Variants in TMEM45A observed in about 807,000 individuals in gnomAD.
TMEM45A encodes DNA polymerase-transactivated protein 4.
In TMEM45A, 25 loss-of-function variants were observed where a neutral mutation model predicts 32.0. That is an observed-to-expected ratio of 0.78 (90% CI 0.57 to 1.09). The LOEUF is 1.09. Ranked by LOEUF, TMEM45A falls within the 50% of genes least tolerant of loss-of-function variation. The probability of loss-of-function intolerance (pLI) is 0.00; values close to 1 mark genes in which losing one functional copy is unlikely to be tolerated. For missense variants in TMEM45A, 302 were observed against 325.0 expected, an observed-to-expected ratio of 0.93 and a Z score of 0.54; for synonymous variants, 122 against 114.8, an observed-to-expected ratio of 1.06 and a Z score of -0.40.
chr3:100,515,323 T>C (rs1467494213), intron 1 of TMEM45A, among the ~76,000 whole-genome samples: 1 of 151,736 alleles, frequency 6.6e-6, no homozygotes, highest in Non-Finnish European at 1.5e-5. Flanking sequence ...TTCACGTGCT[T>C]TGTAGGGACA....
At chr3:100,517,551 G>T (rs916078882) in intron 1 of TMEM45A, among the ~76,000 whole-genome samples, 1 of 152,224 alleles carries the variant, frequency 6.6e-6, no homozygotes. Context: ...AACAAATGAC[G>T]TTTAGAAATA....
chr3:100,521,005 T>C (rs545136987), intron 1 of TMEM45A, among the ~76,000 whole-genome samples: 2 of 152,322 alleles, frequency 1.3e-5, no homozygotes, highest in South Asian at 4.1e-4. Context: ...AATGTTTCAT[T>C]AGCTTTCATG....
chr3:100,560,142 C>T (rs1706304508), intron 4 of TMEM45A, among the ~76,000 whole-genome samples: 1 of 152,032 alleles, frequency 6.6e-6, no homozygotes, highest in African/African-American at 2.4e-5. Flanking sequence ...TCTGATTGAT[C>T]TCTCACTTTC....
rs1373846692 is a variant in TMEM45A, at chr3:100,555,350, T to A, written c.139T>A (p.Tyr47Asn). Residue 47 changes from tyrosine (Y) to asparagine (N), a missense_variant, in exon 2 of 6, where the codon TAT becomes AAT. Tyr to Asn is a moderately radical substitution (Grantham distance 143). Transcript: ENST00000323523. ...CTATCTTGGTTCCAAAACATTATTC[T>A]ATCGATTGGAAATTTTGGAGGGAAT... Reference protein sequence around the residue: ...TCYLGSKTLFYRLEILEGITI... With the variant: ...TCYLGSKTLFNRLEILEGITI... The A allele has an allele frequency of 1.2e-6, 2 of 1,613,888 alleles. No individual in the cohort carries two copies. The highest frequency in any genetic ancestry group is 1.7e-6 in the Non-Finnish European group (2 of 1,179,950).
At chr3:100,516,759 T>C (rs1413199177) in intron 1 of TMEM45A, among the ~76,000 whole-genome samples, 1 of 152,212 alleles carries the variant, frequency 6.6e-6, no homozygotes, top group Non-Finnish European at 1.5e-5. Context: ...CCTTACGGGA[T>C]CCTTCTTCAA....
intron 1 of TMEM45A, among the ~76,000 whole-genome samples, chr3:100,546,578 A>G (rs1385070564): frequency 1.3e-5 from 2 of 152,234 alleles, no homozygotes; most frequent in Non-Finnish European, 2.9e-5. Context: ...TGACAAATGA[A>G]TGACAAAGAC....
intron 5 of TMEM45A, among the ~76,000 whole-genome samples, chr3:100,575,702 A>G (rs931978091): frequency 4.6e-5 from 7 of 152,180 alleles, no homozygotes; most frequent in African/African-American, 1.7e-4. Context: ...AACAGTCACC[A>G]GGATGGAGGG....
rs369933252 is a variant in TMEM45A at position 100,506,919 on chromosome 3, A to C, written c.-4+13991A>C. Among the ~76,000 whole-genome samples, 11 of 152,322 alleles carry C rather than the reference A, an allele frequency of 7.2e-5. No homozygotes were observed. In the South Asian group the frequency reaches 2.1e-3, roughly 29 times the overall value. On this transcript the variant is annotated intron_variant, in intron 1 of 5. Transcript: ENST00000323523. Reference sequence around the variant, plus strand: ...AGTTCTAGAACCAGAAGCCCTTTGGAACCCAACAGGAACATACAGAGAGTG... The same window carrying C: ...AGTTCTAGAACCAGAAGCCCTTTGGCACCCAACAGGAACATACAGAGAGTG...
At chr3:100,567,002 T>A (rs1230596770) in intron 4 of TMEM45A, among the ~76,000 whole-genome samples, 2 of 152,146 alleles carry the variant, frequency 1.3e-5, no homozygotes, top group Non-Finnish European at 2.9e-5. Context: ...CCAATTTATC[T>A]GTTTTCTTCT....
At chr3:100,511,689 A>G (rs1304610142) in intron 1 of TMEM45A, among the ~76,000 whole-genome samples, 2 of 150,498 alleles carry the variant, frequency 1.3e-5, no homozygotes, top group Non-Finnish European at 3.0e-5. Context: ...AAATTGGATA[A>G]AGAGTCAAGA....
intron 1 of TMEM45A, among the ~76,000 whole-genome samples, chr3:100,504,218 C>T (rs376499799): frequency 2.0e-5 from 3 of 151,776 alleles, no homozygotes; most frequent in Admixed American, 6.6e-5. Context: ...CCCACCCCAC[C>T]CCCTGAGTCC....
chr3:100,573,920 G>C (rs1706627094), intron 5 of TMEM45A: 1 of 152,146 alleles, frequency 6.6e-6, no homozygotes, highest in African/African-American at 2.4e-5. Flanking sequence ...TGTGTATGTT[G>C]AACCAGCCTT....
intron 1 of TMEM45A, among the ~76,000 whole-genome samples, chr3:100,550,751 C>G (rs1576285082): frequency 6.6e-6 from 1 of 152,306 alleles, no homozygotes; most frequent in East Asian, 1.9e-4. Context: ...AATATTATCT[C>G]TTAAGGGATA....
intron 1 of TMEM45A, among the ~76,000 whole-genome samples, chr3:100,546,298 C>T (rs114111413): frequency 0.018 from 2,709 of 152,234 alleles, 38 homozygotes; most frequent in Non-Finnish European, 0.027. Flanking sequence ...ACCCATAGAA[C>T]GGTAATATAA....
intron 1 of TMEM45A, among the ~76,000 whole-genome samples, chr3:100,515,372 A>G (rs912156802): frequency 7.3e-5 from 11 of 151,194 alleles, no homozygotes; most frequent in East Asian, 2.0e-4. Context: ...GTAAACTATC[A>G]CAAGAACAAA....
chr3:100,512,741 G>GA (rs1343413392), intron 1 of TMEM45A, among the ~76,000 whole-genome samples: 1 of 149,986 alleles, frequency 6.7e-6, no homozygotes, highest in Non-Finnish European at 1.5e-5. Flanking sequence ...GACTAATAAA[G>GA]AAAAAAAGAG....
intron 1 of TMEM45A, among the ~76,000 whole-genome samples, chr3:100,498,245 C>T (rs975047988): frequency 1.3e-5 from 2 of 152,216 alleles, no homozygotes; most frequent in Admixed American, 1.3e-4. Flanking sequence ...AATTAAACCT[C>T]TTTCTTGTAT....
intron 1 of TMEM45A, among the ~76,000 whole-genome samples, chr3:100,533,191 G>C (rs4928111): frequency 0.15 from 23,498 of 151,834 alleles, 2,091 homozygotes; most frequent in East Asian, 0.31. Flanking sequence ...TTAAGATAGG[G>C]GACCCATGGT....
intron 1 of TMEM45A, among the ~76,000 whole-genome samples, chr3:100,493,895 C>T (rs1707886623): frequency 6.6e-6 from 1 of 152,064 alleles, no homozygotes; most frequent in South Asian, 2.1e-4. Context: ...CCGTGCCCAG[C>T]TAATTTTTGT....
Sources: allele counts gnomAD v4.1 joint callset (sites outside exome capture counted in the v4.1 genomes callset), GRCh38; gene constraint gnomAD v4.1.1; transcripts MANE v1.5; gene names NCBI Gene and HGNC (gene_info 2026-07-23, HGNC 2026-07-21).